NFIB: variants seen among roughly 807,000 people sequenced by gnomAD.
The protein encoded by NFIB is nuclear factor 1 B-type.
NFIB carries 11 observed loss-of-function variants against 61.5 expected under a neutral mutation model. The observed-to-expected ratio is 0.18, with a 90% CI of 0.11 to 0.30. The LOEUF (loss-of-function observed/expected upper bound fraction) is 0.30, where lower values mean the gene tolerates loss of function less well. NFIB is among the 10% of genes least tolerant of loss of function. NFIB has a pLI of 1.00. For synonymous variants in NFIB, 260 were observed against 216.5 expected (o/e 1.20, Z -1.76); for missense variants, 471 against 608.9 (o/e 0.77, Z 2.38).
chr9:14,378,345 T>C (rs1168847339), intron 1 of NFIB, among the ~76,000 whole-genome samples: 1 of 152,164 alleles, frequency 6.6e-6, no homozygotes, highest in Non-Finnish European at 1.5e-5. Flanking sequence ...ACTACTTTAT[T>C]CTTTTCTTTC....
chr9:14,289,160 T>C (rs1467594820), intron 2 of NFIB, among the ~76,000 whole-genome samples: 1 of 147,990 alleles, frequency 6.8e-6, no homozygotes, highest in Non-Finnish European at 1.5e-5. Flanking sequence ...ATATTTGGTA[T>C]GCCAAATATA....
At chr9:14,496,757 A>T in the NFIB span, among the ~76,000 whole-genome samples, 1 of 152,188 alleles carries the variant, frequency 6.6e-6, no homozygotes, top group Non-Finnish European at 1.5e-5. Flanking sequence ...TCAGAGCCAG[A>T]TTTCTCCCCA....
At chr9:14,457,750 T>C in the NFIB span, among the ~76,000 whole-genome samples, 1 of 151,924 alleles carries the variant, frequency 6.6e-6, no homozygotes, top group Admixed American at 6.6e-5. Flanking sequence ...TCTATGCAAA[T>C]AAACTAGAAA....
At chr9:14,486,571 T>G in the NFIB span, among the ~76,000 whole-genome samples, 96 of 152,296 alleles carry the variant, frequency 6.3e-4, no homozygotes, top group African/African-American at 2.2e-3. Flanking sequence ...GAGCTGTTGT[T>G]ACACCTATTC....
chr9:14,379,236 C>T (rs939604385), intron 1 of NFIB, among the ~76,000 whole-genome samples: 20 of 152,120 alleles, frequency 1.3e-4, no homozygotes, highest in Admixed American at 1.0e-3. Flanking sequence ...GCTGAGACAA[C>T]CTGAAACTCC....
intron 10 of NFIB, among the ~76,000 whole-genome samples, chr9:14,089,364 T>TA (rs577188593): frequency 0.027 from 3,640 of 134,586 alleles, 146 homozygotes; most frequent in African/African-American, 0.082. Flanking sequence ...TACAGGCTGT[T>TA]AAAAAAAAAA....
intron 1 of NFIB, among the ~76,000 whole-genome samples, chr9:14,319,633 T>C (rs1272073884): frequency 6.6e-6 from 1 of 152,216 alleles, no homozygotes; most frequent in Non-Finnish European, 1.5e-5. Context: ...CATATACACA[T>C]GCCTTGTAAC....
chr9:14,478,028 T>C, the NFIB span, among the ~76,000 whole-genome samples: 2 of 152,146 alleles, frequency 1.3e-5, no homozygotes, highest in South Asian at 4.1e-4. Context: ...TTTCAAAGAT[T>C]TGATGTGCTT....
intron 1 of NFIB, among the ~76,000 whole-genome samples, chr9:14,384,058 C>T (rs1193372776): frequency 1.3e-5 from 2 of 152,208 alleles, no homozygotes; most frequent in African/African-American, 2.4e-5. Context: ...ACTTAGCCCG[C>T]TCTTGCTTCA....
intron 1 of NFIB, among the ~76,000 whole-genome samples, chr9:14,342,889 A>G (rs1164598531): frequency 1.3e-5 from 2 of 152,162 alleles, no homozygotes; most frequent in Middle Eastern, 3.2e-3. Context: ...TCTGTTTTTC[A>G]TACTCTTCTC....
chr9:14,506,940 C>T, the NFIB span, among the ~76,000 whole-genome samples: 12 of 152,054 alleles, frequency 7.9e-5, no homozygotes, highest in East Asian at 3.8e-4. Context: ...AACTGTTAGG[C>T]GTGTTTTAAA....
At chr9:14,192,243 C>G (rs539249428) in intron 2 of NFIB, among the ~76,000 whole-genome samples, 78 of 152,254 alleles carry the variant, frequency 5.1e-4, no homozygotes, top group African/African-American at 1.9e-3. Context: ...TTTTGCAAAA[C>G]CATCTAACAG....
At chr9:14,137,635 A>T (rs10810093) in intron 6 of NFIB, among the ~76,000 whole-genome samples, 71,670 of 151,984 alleles carry the variant, frequency 0.47, 18,225 homozygotes, top group South Asian at 0.69. Context: ...CAGTATTTAG[A>T]GTTTCCTAAT....
chr9:14,237,160 A>G (rs552596026), intron 2 of NFIB, among the ~76,000 whole-genome samples: 1 of 152,238 alleles, frequency 6.6e-6, no homozygotes, highest in Non-Finnish European at 1.5e-5. Flanking sequence ...TAATAAATTC[A>G]AGGTAAAATC....
chr9:14,458,076 T>C, the NFIB span, among the ~76,000 whole-genome samples: 1 of 152,140 alleles, frequency 6.6e-6, no homozygotes, highest in African/African-American at 2.4e-5. Flanking sequence ...AAAGAGAATT[T>C]TAGACCAATA....
chr9:14,388,906 C>A lies in NFIB; in HGVS notation c.108+9618G>T, dbSNP rs561500224. Among the ~76,000 whole-genome samples the A allele has an allele frequency of 1.8e-4, 27 of 152,222 alleles. 3 individuals carry two copies. The South Asian group carries it at 5.6e-3, about 32-fold the overall frequency. ...GAATAACTAGATCAATGGTTTCAAG[C>A]CTGGATGTATATTAGAATTACAAGG... is the stretch of plus-strand genomic sequence containing the variant. On this transcript the variant is annotated intron_variant, in intron 1 of 8. Coordinates refer to the NFIB transcript ENST00000380934.
At chr9:14,515,785 C>T in the NFIB span, among the ~76,000 whole-genome samples, 1 of 152,196 alleles carries the variant, frequency 6.6e-6, no homozygotes, top group African/African-American at 2.4e-5. Context: ...CTGCATTTCC[C>T]ACAAGCCTCT....
intron 10 of NFIB, among the ~76,000 whole-genome samples, chr9:14,091,419 T>C (rs73409932): frequency 0.083 from 12,627 of 152,054 alleles, 1,752 homozygotes; most frequent in African/African-American, 0.28. Flanking sequence ...TCTAACTCTA[T>C]ATAAAAATCA....
chr9:14,476,905 G>T, the NFIB span, among the ~76,000 whole-genome samples: 1 of 152,192 alleles, frequency 6.6e-6, no homozygotes, highest in African/African-American at 2.4e-5. Context: ...GTTAAAAATA[G>T]CATGTTTCAT....
Sources: gnomAD v4.1 joint callset for allele counts (sites outside exome capture counted in the v4.1 genomes callset) on GRCh38, gnomAD v4.1.1 for gene constraint, MANE v1.5 for transcripts, NCBI Gene and HGNC (gene_info 2026-07-23, HGNC 2026-07-21) for gene names.